The following KLHL4 variants were observed in gnomAD, a reference collection of about 807,000 sequenced individuals.
KLHL4 encodes kelch like family member 4.
In KLHL4, 17 loss-of-function variants were observed where a neutral mutation model predicts 45.8. The ratio of observed to expected loss-of-function variants is 0.37; its 90% CI spans 0.25 to 0.56. The LOEUF (loss-of-function observed/expected upper bound fraction) is 0.56, where lower values mean the gene tolerates loss of function less well. KLHL4 is among the 20% of genes least tolerant of loss of function. The pLI, the probability that KLHL4 is intolerant of heterozygous loss-of-function variation, is 0.79. For synonymous variants in KLHL4, 224 were observed against 189.9 expected, an observed-to-expected ratio of 1.18 and a Z score of -1.47; for missense variants, 544 against 544.9, an observed-to-expected ratio of 1.00 and a Z score of 0.02.
At chrX:87,587,150 C>CA (rs1197848253) in intron 1 of KLHL4, among the ~76,000 whole-genome samples, 13,421 of 47,688 alleles carry the variant, frequency 0.28, 1,904 homozygotes, top group Non-Finnish European at 0.31. Context: ...TAAAATAAAG[C>CA]AAAAAAAAAA....
intron 1 of KLHL4, among the ~76,000 whole-genome samples, chrX:87,567,163 A>G (rs1418563597): frequency 9.0e-6 from 1 of 111,591 alleles, no homozygotes; most frequent in East Asian, 2.8e-4. Context: ...GGCAAAGGAT[A>G]TTTATGAAAA....
At chrX:87,581,460 C>T (rs965743179) in intron 1 of KLHL4, among the ~76,000 whole-genome samples, 1 of 112,452 alleles carries the variant, frequency 8.9e-6, no homozygotes, top group Admixed American at 9.3e-5. Context: ...CCTACAGGTG[C>T]GTTCAGTCTG....
In KLHL4 at chrX:87,664,828, G is replaced by A; in HGVS notation, c.1990G>A (p.Ala664Thr). 2 of 1,203,740 alleles carry A rather than the reference G, an allele frequency of 1.7e-6. No homozygotes were observed. Among genetic ancestry groups the A allele is most frequent in the Non-Finnish European group, 2.3e-6 (2 of 888,641 alleles). ...APLSVPRDAV[A>T]VCPLGDKLYV... ...TCTGAGTGTTCCTCGAGATGCTGTT[G>A]CTGTGTGCCCTCTTGGAGACAAACT... Residue 664 changes from alanine to threonine, a missense_variant, in exon 10 of 11, where the codon GCT becomes ACT. Coordinates refer to ENST00000373119, the MANE Select transcript of KLHL4 (RefSeq NM_019117.5).
chrX:87,583,019 G>A (rs1370301996), intron 1 of KLHL4, among the ~76,000 whole-genome samples: 4 of 111,064 alleles, frequency 3.6e-5, no homozygotes, highest in Admixed American at 1.9e-4. Context: ...CTGCTGATTG[G>A]TGCATTTTAC....
intron 9 of KLHL4, among the ~76,000 whole-genome samples, chrX:87,636,496 G>A (rs1485527767): frequency 8.9e-6 from 1 of 111,835 alleles, no homozygotes; most frequent in African/African-American, 3.3e-5. Flanking sequence ...CTCTGAGGGA[G>A]GTGGATTGCT....
intron 3 of KLHL4, among the ~76,000 whole-genome samples, chrX:87,616,429 T>A: frequency 8.9e-6 from 1 of 112,059 alleles, no homozygotes; most frequent in Non-Finnish European, 1.9e-5. Context: ...CTTTTTAAAA[T>A]CAGGAGTGAA....
chrX:87,664,753 A>T lies in KLHL4; in HGVS notation c.1926-11A>T. The T allele has an allele frequency of 3.4e-6, 4 of 1,167,731 alleles. No homozygotes were observed. Among genetic ancestry groups the T allele is most frequent in the Non-Finnish European group, 4.6e-6 (4 of 867,330 alleles). ...ACTTTTCCTCCCAATTATCTTTCTA[A>T]ATCCTTTAAGGTATGATCCAAAAGG... is the stretch of plus-strand genomic sequence containing the variant. On this transcript the variant is annotated splice_polypyrimidine_tract_variant and intron_variant, in intron 9 of 10. Transcript: ENST00000373119.
chrX:87,651,203 A>G (rs968952471), intron 9 of KLHL4, among the ~76,000 whole-genome samples: 10 of 111,431 alleles, frequency 9.0e-5, no homozygotes, highest in African/African-American at 2.9e-4. Flanking sequence ...TGATTCAATT[A>G]TCTCCCACCG....
chrX:87,541,528 T>G (rs1010291564), intron 1 of KLHL4, among the ~76,000 whole-genome samples: 1 of 102,924 alleles, frequency 9.7e-6, no homozygotes, highest in Non-Finnish European at 2.0e-5. Flanking sequence ...GGCAGTTTCC[T>G]CTGCGTTCTC....
chrX:87,647,605 C>G (rs1923678793), intron 9 of KLHL4, among the ~76,000 whole-genome samples: 1 of 111,586 alleles, frequency 9.0e-6, no homozygotes, highest in Non-Finnish European at 1.9e-5. Flanking sequence ...AATTGGAGAC[C>G]ATTATTCTAA....
chrX:87,526,349 G>T (rs1931109715), intron 1 of KLHL4, among the ~76,000 whole-genome samples: 1 of 111,910 alleles, frequency 8.9e-6, no homozygotes, highest in African/African-American at 3.2e-5. Context: ...TGTGCATGAT[G>T]GTTTCCTACT....
intron 1 of KLHL4, among the ~76,000 whole-genome samples, chrX:87,583,096 C>T (rs1921339790): frequency 8.9e-6 from 1 of 111,884 alleles, no homozygotes; most frequent in Non-Finnish European, 1.9e-5. Context: ...TGCGTTTTTA[C>T]AGAGTGCTGA....
chrX:87,583,187 CA>C (rs1921344407), intron 1 of KLHL4, among the ~76,000 whole-genome samples: 1 of 112,091 alleles, frequency 8.9e-6, no homozygotes, highest in South Asian at 3.7e-4. Flanking sequence ...GTGCATTTTA[CA>C]ATCCCTTTGC....
intron 1 of KLHL4, among the ~76,000 whole-genome samples, chrX:87,583,959 G>A (rs1921374654): frequency 9.0e-6 from 1 of 111,571 alleles, no homozygotes; most frequent in Non-Finnish European, 1.9e-5. Flanking sequence ...AGTGGTGGTG[G>A]TAACAATGGT....
At chrX:87,590,340 T>C (rs1377214558) in intron 1 of KLHL4, among the ~76,000 whole-genome samples, 1 of 110,111 alleles carries the variant, frequency 9.1e-6, no homozygotes, top group East Asian at 2.9e-4. Context: ...ATGAAAAAAA[T>C]CAAAGAAACC....
chrX:87,562,813 A>C (rs2227179), intron 1 of KLHL4, among the ~76,000 whole-genome samples: 49,908 of 110,214 alleles, frequency 0.45, 8,145 homozygotes, highest in East Asian at 0.77. Context: ...TTGGGTGAAA[A>C]CAAATAGTGT....
intron 5 of KLHL4, among the ~76,000 whole-genome samples, chrX:87,624,178 G>A (rs970316972): frequency 8.9e-6 from 1 of 112,157 alleles, no homozygotes; most frequent in African/African-American, 3.2e-5. Flanking sequence ...GGAATGGAGG[G>A]AAATTTCTAG....
In KLHL4 at chrX:87,595,074, G is replaced by T. The variant is rs182681363; in HGVS notation, c.423-18803G>T. Among the ~76,000 whole-genome samples the T allele has an allele frequency of 6.2e-4, 67 of 107,758 alleles. No homozygotes were observed. In the East Asian group the frequency reaches 0.019, roughly 31 times the overall value. The allele number at this position is 107,758 out of a possible 115,157, so 93.6% of individuals were successfully genotyped here. ...TAGGGTACACGTGCACAACGTGCAG[G>T]TTTGTTACATATGTATACATGTGCC... On this transcript the variant is annotated intron_variant, in intron 1 of 10. Transcript: ENST00000373119.
At chrX:87,553,566 C>A in intron 1 of KLHL4, among the ~76,000 whole-genome samples, 1 of 110,161 alleles carries the variant, frequency 9.1e-6, no homozygotes, top group South Asian at 3.8e-4. Flanking sequence ...TATCTTAATT[C>A]TAATATCACT....
Sources: gnomAD v4.1 joint callset for allele counts (sites outside exome capture counted in the v4.1 genomes callset) on GRCh38, gnomAD v4.1.1 for gene constraint, MANE v1.5 for transcripts, NCBI Gene and HGNC (gene_info 2026-07-23, HGNC 2026-07-21) for gene names.